Variants in STK31 observed in about 807,000 individuals in gnomAD.
STK31 encodes serine/threonine kinase 31.
STK31 carries 89 observed loss-of-function variants against 129.7 expected under a neutral mutation model. The ratio of observed to expected loss-of-function variants is 0.69; its 90% CI spans 0.58 to 0.82. The LOEUF is 0.82. Among genes scored for constraint, STK31 ranks in the 40% least tolerant of loss-of-function variants. STK31 has a pLI of 0.00. For missense variants in STK31, 1,187 were observed against 1,176.4 expected, an observed-to-expected ratio of 1.01 and a Z score of -0.13; for synonymous variants, 448 against 395.3, an observed-to-expected ratio of 1.13 and a Z score of -1.58.
chr7:23,740,698 A>T (rs1014858865), intron 8 of STK31, among the ~76,000 whole-genome samples: 1 of 151,746 alleles, frequency 6.6e-6, no homozygotes, highest in Non-Finnish European at 1.5e-5. Context: ...TCCTGTGTCC[A>T]TGTGTTCTCA....
chr7:23,755,382 T>C (rs1394214963), intron 10 of STK31, among the ~76,000 whole-genome samples: 2 of 152,220 alleles, frequency 1.3e-5, no homozygotes, highest in East Asian at 3.8e-4. Flanking sequence ...TCTTTGTAGA[T>C]TCTGGATATT....
intron 8 of STK31, among the ~76,000 whole-genome samples, chr7:23,743,982 C>T (rs1788204639): frequency 6.6e-6 from 1 of 152,016 alleles, no homozygotes; most frequent in East Asian, 1.9e-4. Flanking sequence ...TGCAGTGGCA[C>T]AATCACAGCT....
chr7:23,737,230 A>G, intron 8 of STK31, 152 bp downstream of exon 8: 1 of 559,632 alleles, frequency 1.8e-6, no homozygotes, highest in South Asian at 7.7e-5. Context: ...ATTTTTTTTC[A>G]TATACTCCAG....
At chr7:23,782,215 G>C (rs1018693339) in intron 16 of STK31, among the ~76,000 whole-genome samples, 3 of 152,080 alleles carry the variant, frequency 2.0e-5, no homozygotes, top group African/African-American at 7.2e-5. Flanking sequence ...GCTCACACCT[G>C]TAGTCCCAGC....
intron 22 of STK31, among the ~76,000 whole-genome samples, chr7:23,809,363 A>G (rs901892441): frequency 2.6e-5 from 4 of 152,080 alleles, no homozygotes; most frequent in African/African-American, 9.7e-5. Context: ...CTTTTCATCA[A>G]TTCTCCACTT....
At chr7:23,730,879 T>TATATATATATATATATATATATA (rs1491380351) in intron 6 of STK31, among the ~76,000 whole-genome samples, 5 of 39,306 alleles carry the variant, frequency 1.3e-4, no homozygotes, top group Admixed American at 3.6e-4. Context: ...TATATATATA[T>TATATATATATATATATATATATA]TTTTTTTTTT....
intron 23 of STK31, among the ~76,000 whole-genome samples, chr7:23,821,259 A>G (rs1039796741): frequency 2.0e-5 from 3 of 152,160 alleles, no homozygotes; most frequent in African/African-American, 7.2e-5. Context: ...TTACATTTCC[A>G]CTAACAATGT....
intron 3 of STK31, 142 bp downstream of exon 3, chr7:23,712,428 T>A: frequency 1.2e-6 from 1 of 816,834 alleles, no homozygotes; most frequent in Non-Finnish European, 2.0e-6. Context: ...CACCAGGCAT[T>A]ATTAGGAGAC....
At chr7:23,783,884 T>A (rs1282763724) in intron 17 of STK31, among the ~76,000 whole-genome samples, 1 of 152,230 alleles carries the variant, frequency 6.6e-6, no homozygotes, top group Non-Finnish European at 1.5e-5. Context: ...TCTGCTTTCC[T>A]CATCCTCATT....
chr7:23,776,538 T>C (rs1790557299), intron 15 of STK31, among the ~76,000 whole-genome samples: 1 of 152,200 alleles, frequency 6.6e-6, no homozygotes, highest in Non-Finnish European at 1.5e-5. Flanking sequence ...GGGATTCGAC[T>C]TCTTCCTGAT....
At chr7:23,823,309 T>C (rs917166953) in intron 23 of STK31, among the ~76,000 whole-genome samples, 1 of 152,194 alleles carries the variant, frequency 6.6e-6, no homozygotes, top group East Asian at 1.9e-4. Context: ...TGAGATGGTA[T>C]CTCATTGTGG....
intron 21 of STK31, among the ~76,000 whole-genome samples, chr7:23,788,388 A>G (rs886366461): frequency 6.6e-6 from 1 of 152,178 alleles, no homozygotes; most frequent in African/African-American, 2.4e-5. Context: ...TTTTGTCATC[A>G]TTAGGAAACA....
At chr7:23,731,315 A>G (rs1787420932) in intron 6 of STK31, among the ~76,000 whole-genome samples, 2 of 152,302 alleles carry the variant, frequency 1.3e-5, no homozygotes, top group South Asian at 4.1e-4. Context: ...TTAGTTATTA[A>G]TTCTCAGCCC....
Position 23,832,424 on chromosome 7 carries a change from C to T in STK31, c.*58C>T, listed in dbSNP as rs1562644202. The T allele has an allele frequency of 8.3e-7, 1 of 1,199,184 alleles. No homozygotes were observed. The highest frequency in any genetic ancestry group is 1.2e-6 in the Non-Finnish European group (1 of 835,142). 74.3% of individuals were successfully genotyped at this position (1,199,184 alleles called of 1,614,324 possible). On this transcript the variant is annotated 3_prime_UTR_variant, in exon 24 of 24. Coordinates refer to ENST00000355870, the MANE Select transcript of STK31 (RefSeq NM_031414.5). ...TAAAAACTTTGGTTTGGTTAATACA[C>T]AGAAATATCTAGAAATGTTCTGGGA...
intron 15 of STK31, among the ~76,000 whole-genome samples, chr7:23,779,523 C>G (rs1790776299): frequency 6.6e-6 from 1 of 152,184 alleles, no homozygotes; most frequent in African/African-American, 2.4e-5. Flanking sequence ...ATCTTTCATT[C>G]AGAGATGCCC....
chr7:23,710,338 CAGT>C lies in STK31; in HGVS notation c.50+10_50+12del. 1.9e-6 allele frequency: 3 copies of C among 1,613,430 alleles called. No individual in the cohort carries two copies. The highest frequency in any genetic ancestry group is 2.5e-6 in the Non-Finnish European group (3 of 1,179,932). On this transcript the variant is annotated splice_donor_5th_base_variant and intron_variant, in intron 1 of 23. Coordinates refer to ENST00000355870, the MANE Select transcript of STK31 (RefSeq NM_031414.5). ...GCTTCCGCAACGGAAAGTGTGAGGTCAGTAGTAGTTTTTGTGGTACGTGCAGTG... is the reference window on the plus strand; with the variant it reads ...GCTTCCGCAACGGAAAGTGTGAGGTCAGTAGTTTTTGTGGTACGTGCAGTG...
At chr7:23,810,195 TTGTC>T (rs1792999135) in intron 22 of STK31, among the ~76,000 whole-genome samples, 1 of 152,158 alleles carries the variant, frequency 6.6e-6, no homozygotes, top group Admixed American at 6.6e-5. Flanking sequence ...AATGTCTACT[TTGTC>T]TGATATTACA....
At chr7:23,789,727 C>A (rs1791503547) in intron 21 of STK31, among the ~76,000 whole-genome samples, 1 of 152,076 alleles carries the variant, frequency 6.6e-6, no homozygotes, top group Non-Finnish European at 1.5e-5. Context: ...TCTCAACCTT[C>A]AGGGGTTCTG....
chr7:23,796,625 G>A (rs1791974648), intron 22 of STK31, among the ~76,000 whole-genome samples: 1 of 152,136 alleles, frequency 6.6e-6, no homozygotes, highest in African/African-American at 2.4e-5. Flanking sequence ...CCAGGATGCA[G>A]AACAGTTCCA....
Sources: gnomAD v4.1 joint callset for allele counts (sites outside exome capture counted in the v4.1 genomes callset) on GRCh38, gnomAD v4.1.1 for gene constraint, MANE v1.5 for transcripts, NCBI Gene and HGNC (gene_info 2026-07-23, HGNC 2026-07-21) for gene names.